CDC27: variants seen among roughly 807,000 people sequenced by gnomAD.
CDC27 encodes cell division cycle 27, also known as cell division cycle protein 27 homolog.
In CDC27, 27 loss-of-function variants were observed where a neutral mutation model predicts 109.7. The observed-to-expected ratio is 0.25, with a 90% CI of 0.18 to 0.34. CDC27 has a LOEUF of 0.34. Ranked by LOEUF, CDC27 falls within the 10% of genes least tolerant of loss-of-function variation. The pLI is 1.00. For synonymous variants in CDC27, 266 were observed against 333.9 expected (o/e 0.80, Z 2.22); for missense variants, 579 against 960.2 (o/e 0.60, Z 5.25).
At chr17:47,137,104 A>G (rs1351198634) in intron 14 of CDC27, 48 bp downstream of exon 14, 1 of 1,168,894 alleles carries the variant, frequency 8.6e-7, no homozygotes, top group Non-Finnish European at 1.2e-6. Context: ...ATTAGTAAGT[A>G]CCAGCACCAT....
At chr17:47,161,192 T>TAA (rs1226791747) in intron 4 of CDC27, 6 of 131,180 alleles carry the variant, frequency 4.6e-5, no homozygotes, top group Admixed American at 1.5e-4. Context: ...GCTGGCTAAT[T>TAA]AAAAAAAAAA....
intron 4 of CDC27, among the ~76,000 whole-genome samples, chr17:47,158,907 A>G (rs1262959263): frequency 6.6e-6 from 1 of 152,086 alleles, no homozygotes; most frequent in African/African-American, 2.4e-5. Flanking sequence ...GGTGTGAGCC[A>G]CCGCACCTGG....
chr17:47,186,908 GT>G (rs531224184), intron 1 of CDC27, among the ~76,000 whole-genome samples: 77 of 148,904 alleles, frequency 5.2e-4, no homozygotes, highest in South Asian at 2.6e-3. Flanking sequence ...TGTCATCATA[GT>G]TTTTTTTTTA....
At chr17:47,133,040 CACACACACACACACATACATAT>C (rs1225498589) in intron 14 of CDC27, among the ~76,000 whole-genome samples, 16 of 64,772 alleles carry the variant, frequency 2.5e-4, no homozygotes, top group African/African-American at 7.3e-4. Flanking sequence ...CACACACACA[CACACACACACACACATACATAT>C]ACACACACAC....
Position 47,126,411 on chromosome 17 carries a change from C to T in CDC27, c.2161-2451G>A, listed in dbSNP as rs1465672760. On this transcript the variant is annotated intron_variant, in intron 16 of 18. Coordinates refer to ENST00000066544, the MANE Select transcript of CDC27 (RefSeq NM_001256.6). ...GGGAGTTTTTCTGAGTCTACTGTGG[C>T]TCAGGGGGCTGCCTGATATAATAAT... Among the ~76,000 whole-genome samples the T allele has an allele frequency of 2.0e-5, 3 of 152,214 alleles. No homozygotes were observed. The South Asian group carries it at 6.2e-4, about 32-fold the overall frequency.
chr17:47,168,406 C>G (rs2063713639), intron 4 of CDC27, among the ~76,000 whole-genome samples: 1 of 152,104 alleles, frequency 6.6e-6, no homozygotes, highest in Non-Finnish European at 1.5e-5. Flanking sequence ...AGGTCAAAGA[C>G]CAAATATATA....
intron 4 of CDC27, among the ~76,000 whole-genome samples, chr17:47,160,842 C>T (rs2063477239): frequency 6.6e-6 from 1 of 152,088 alleles, no homozygotes; most frequent in South Asian, 2.1e-4. Context: ...ATTAGTTTGC[C>T]TCACTGCCAA....
At chr17:47,150,419 T>G (rs1232230328) in intron 9 of CDC27, among the ~76,000 whole-genome samples, 2 of 152,174 alleles carry the variant, frequency 1.3e-5, no homozygotes, top group African/African-American at 4.8e-5. Flanking sequence ...GAGGGAAATT[T>G]AGATACAGAA....
intron 2 of CDC27, among the ~76,000 whole-genome samples, chr17:47,175,504 T>C (rs2063973725): frequency 6.6e-6 from 1 of 152,204 alleles, no homozygotes; most frequent in Admixed American, 6.5e-5. Context: ...TTTTTATGAT[T>C]TGTGACACAT....
At chr17:47,132,777 A>ATTATTATTATTATTG (rs370648589) in intron 14 of CDC27, among the ~76,000 whole-genome samples, 1 of 132,832 alleles carries the variant, frequency 7.5e-6, no homozygotes, top group East Asian at 2.2e-4. Context: ...TATTATTATT[A>ATTATTATTATTATTG]TTATATTTTA....
At chr17:47,186,483 A>G (rs1470140348) in intron 1 of CDC27, among the ~76,000 whole-genome samples, 1 of 152,226 alleles carries the variant, frequency 6.6e-6, no homozygotes, top group Non-Finnish European at 1.5e-5. Flanking sequence ...CTAAATCTAT[A>G]TAAAATCTCT....
chr17:47,165,665 T>C (rs75400273), intron 4 of CDC27, among the ~76,000 whole-genome samples: 15,970 of 152,246 alleles, frequency 0.1, 948 homozygotes, highest in South Asian at 0.2. Flanking sequence ...AGTTTTAATT[T>C]TGATAAAATT....
At chr17:47,171,834 C>T in intron 3 of CDC27, 83 bp downstream of exon 3, 1 of 868,610 alleles carries the variant, frequency 1.2e-6, no homozygotes, top group Non-Finnish European at 1.8e-6. Context: ...GAAAGGGAAT[C>T]AGAGTTTAAT....
intron 9 of CDC27, among the ~76,000 whole-genome samples, chr17:47,147,918 AG>A (rs2063024446): frequency 6.7e-6 from 1 of 148,650 alleles, no homozygotes; most frequent in Non-Finnish European, 1.5e-5. Flanking sequence ...AAAAAAAAAA[AG>A]GCTGGGCGCG....
At position 47,123,919 on chromosome 17, in the gene CDC27, G is replaced by T; in HGVS notation, c.2202C>A (p.Pro734=). The part of the protein sequence containing the change: ...QELEELKQIV[P]KESLVYFLIG... Reference sequence around the variant, plus strand: ...TTAAGAAGTAAACGAGGGATTCTTTGGGAACAATTTGTTTCAATTCTTCAA... The same window carrying T: ...TTAAGAAGTAAACGAGGGATTCTTTTGGAACAATTTGTTTCAATTCTTCAA... The change falls in exon 17 of 19, where the codon CCC becomes CCA. Residue 734 remains proline (P), a synonymous_variant. Coordinates refer to ENST00000066544, the MANE Select transcript of CDC27 (RefSeq NM_001256.6). 6.2e-7 allele frequency: 1 copy of T among 1,604,518 alleles called. No homozygotes were observed. The highest frequency in any genetic ancestry group is 1.1e-5 in the South Asian group (1 of 88,324).
chr17:47,162,891 T>C (rs889721301), intron 4 of CDC27, among the ~76,000 whole-genome samples: 1 of 152,200 alleles, frequency 6.6e-6, no homozygotes, highest in Non-Finnish European at 1.5e-5. Context: ...TGGATAGATA[T>C]ATGTATAAAT....
At chr17:47,179,327 A>G (rs2064136450) in intron 2 of CDC27, among the ~76,000 whole-genome samples, 1 of 93,224 alleles carries the variant, frequency 1.1e-5, no homozygotes, top group Non-Finnish European at 2.6e-5. Context: ...ATCAACTGAT[A>G]TTGTCCACCA....
At chr17:47,186,099 C>A (rs1165398104) in intron 1 of CDC27, among the ~76,000 whole-genome samples, 1 of 152,192 alleles carries the variant, frequency 6.6e-6, no homozygotes, top group African/African-American at 2.4e-5. Flanking sequence ...TTCTACTAGT[C>A]TGTATGTCTA....
chr17:47,141,856 C>T lies in CDC27; in HGVS notation c.1548G>A (p.Met516Ile), dbSNP rs754801062. 27 of 1,582,354 alleles carry T rather than the reference C, an allele frequency of 1.7e-5. No individual in the cohort carries two copies. In the South Asian group the frequency reaches 2.9e-4, roughly 17 times the overall value. ...GRAYFELSEY[M>I]QAERIFSEVR... ...TATAACCATTTTCTATACTTACTTG[C>T]ATGTACTCTGAAAGTTCAAAATAGG... Residue 516 changes from methionine (M) to isoleucine (I), a missense_variant, in exon 12 of 19, where the codon ATG becomes ATA. Physicochemically the swap from Met to Ile is conservative, Grantham distance 10. Transcript: ENST00000066544.
Sources: allele counts gnomAD v4.1 joint callset (sites outside exome capture counted in the v4.1 genomes callset), GRCh38; gene constraint gnomAD v4.1.1; transcripts MANE v1.5; gene names NCBI Gene and HGNC (gene_info 2026-07-23, HGNC 2026-07-21).